Variants in CABIN1 observed in about 807,000 individuals in gnomAD.
The protein encoded by CABIN1 is calcineurin-binding protein cabin-1.
A neutral mutation model predicts 227.7 loss-of-function variants in CABIN1; 133 were observed. The observed-to-expected ratio is 0.58, with a 90% CI of 0.51 to 0.67. The LOEUF (loss-of-function observed/expected upper bound fraction) is 0.67, where lower values mean the gene tolerates loss of function less well. CABIN1 is among the 30% of genes least tolerant of loss of function. The pLI, the probability that CABIN1 is intolerant of heterozygous loss-of-function variation, is 0.00. For missense variants in CABIN1, 2,408 were observed against 2,852.5 expected (o/e 0.84, Z 3.55); for synonymous variants, 1,086 against 1,155.1 (o/e 0.94, Z 1.21).
In CABIN1 at chr22:24,064,118, G is replaced by A. The variant is rs2039407154; in HGVS notation, c.1968G>A (p.Gly656=). The change falls in exon 15 of 37, where the codon GGG becomes GGA. Residue 656 remains glycine (G), a synonymous_variant. Coordinates refer to ENST00000263119, the MANE Select transcript of CABIN1 (RefSeq NM_012295.4). ...QSSTAIQVEA[G]AERRDIVIRL... is the part of the protein sequence containing the mutation. Reference sequence around the variant, plus strand: ...CCACCGCCATCCAGGTGGAGGCAGGGGCTGAACGAAGAGACATTGTCATCC... The same window carrying A: ...CCACCGCCATCCAGGTGGAGGCAGGAGCTGAACGAAGAGACATTGTCATCC... The A allele has an allele frequency of 6.2e-7, 1 of 1,614,162 alleles. No homozygotes were observed. The highest frequency in any genetic ancestry group is 8.5e-7 in the Non-Finnish European group (1 of 1,180,042).
intron 29 of CABIN1, among the ~76,000 whole-genome samples, chr22:24,138,755 C>G (rs916125864): frequency 4.6e-5 from 7 of 152,162 alleles, no homozygotes; most frequent in African/African-American, 1.7e-4. Flanking sequence ...CCTCTTTGGC[C>G]TTTTATGGAG....
rs529990301 is a variant in CABIN1 at position 24,166,678 on chromosome 22, G to A, written c.5047G>A (p.Gly1683Arg). The change falls in exon 32 of 37, where the codon GGA (glycine) becomes AGA (arginine). Residue 1683 changes from glycine (G) to arginine (R), a missense_variant. By Grantham distance (125) the Gly-to-Arg change is moderately radical. This residue lies in a region of CABIN1 where 714 missense variants were observed against 773.8 expected (regional missense o/e 0.92). Coordinates refer to ENST00000263119, the MANE Select transcript of CABIN1 (RefSeq NM_012295.4). Reference protein sequence around the residue: ...RPGPKVCGLPGARMTTDVSHK... With the variant: ...RPGPKVCGLPRARMTTDVSHK... ...AGGGCCCAAGGTCTGTGGCCTCCCCGGAGCCAGGATGACCACCGATGTCTC... is the reference window on the plus strand; with the variant it reads ...AGGGCCCAAGGTCTGTGGCCTCCCCAGAGCCAGGATGACCACCGATGTCTC... The A allele has an allele frequency of 2.7e-5, 44 of 1,612,552 alleles. No homozygotes were observed. The East Asian group carries it at 5.3e-4, about 20-fold the overall frequency.
intron 31 of CABIN1, 23 bp downstream of exon 31, chr22:24,165,649 T>C: frequency 6.3e-7 from 1 of 1,594,456 alleles, no homozygotes; most frequent in Non-Finnish European, 8.6e-7. Context: ...TGTCCTCCTC[T>C]CCTCCACGGC....
At chr22:24,126,893 G>C (rs950466392) in intron 28 of CABIN1, among the ~76,000 whole-genome samples, 1 of 151,550 alleles carries the variant, frequency 6.6e-6, no homozygotes, top group Non-Finnish European at 1.5e-5. Context: ...CAGCTACTCA[G>C]TAGGCTAAGG....
intron 1 of CABIN1, among the ~76,000 whole-genome samples, chr22:24,025,027 A>G (rs1373230970): frequency 6.6e-6 from 1 of 152,156 alleles, no homozygotes; most frequent in East Asian, 1.9e-4. Context: ...TATCAAATTC[A>G]GTTTCTCAGG....
intron 19 of CABIN1, among the ~76,000 whole-genome samples, chr22:24,081,409 A>G (rs1463979190): frequency 6.6e-6 from 1 of 152,210 alleles, no homozygotes; most frequent in Non-Finnish European, 1.5e-5. Context: ...CACTTAGAGC[A>G]TAAGGCTGTT....
chr22:24,059,989 A>G lies in CABIN1; in HGVS notation c.1465A>G (p.Met489Val). The change falls in exon 12 of 37, where the codon ATG (methionine) becomes GTG (valine). Residue 489 changes from methionine to valine, a missense_variant. By Grantham distance (21) the Met-to-Val change is conservative. Transcript: ENST00000263119. ...LTNGGILELM[M>V]RYLKAMGHKF... The stretch of plus-strand genomic sequence containing the variant: ...CAACGGGGGCATCCTGGAGCTGATG[A>G]TGCGCTACCTGAAAGCCATGGGCCA... 6.2e-7 allele frequency: 1 copy of G among 1,614,218 alleles called. No homozygotes were observed. The highest frequency in any genetic ancestry group is 1.3e-5 in the African/African-American group (1 of 75,048).
At chr22:24,154,379 CTG>C (rs1009947265) in intron 29 of CABIN1, among the ~76,000 whole-genome samples, 7 of 152,168 alleles carry the variant, frequency 4.6e-5, no homozygotes, top group African/African-American at 1.2e-4. Flanking sequence ...GGCCTTATTG[CTG>C]TGTGACTGCA....
Position 24,084,653 on chromosome 22 carries a change from C to G in CABIN1, c.2985C>G (p.Ser995Arg). ...CCAAGACCCTTCCTGAATTTGACAG[C>G]TATAAGACCAGCACCGTGTCTGCTG... ...FKPKTLPEFD[S>R]YKTSTVSADL... is the part of the protein sequence containing the mutation. Residue 995 changes from serine to arginine, a missense_variant, in exon 21 of 37, where the codon AGC becomes AGG. This residue lies in a region of CABIN1 where 649 missense variants were observed against 910.3 expected (regional missense o/e 0.71). Transcript: ENST00000263119. 1 of 1,614,162 alleles carries G rather than the reference C, an allele frequency of 6.2e-7. No individual in the cohort carries two copies. Among genetic ancestry groups the G allele is most frequent in the Non-Finnish European group, 8.5e-7 (1 of 1,180,016 alleles).
In CABIN1 at chr22:24,056,366, G is replaced by A; in HGVS notation, c.1262+6G>A. The A allele has an allele frequency of 6.2e-7, 1 of 1,613,774 alleles. No homozygotes were observed. The highest frequency in any genetic ancestry group is 8.5e-7 in the Non-Finnish European group (1 of 1,179,706). ...ATGAAGTTCTTGCCGTCCAGGTACTGTGTATTTTTTCTGATTGTCAGAAAC... is the reference window on the plus strand; with the variant it reads ...ATGAAGTTCTTGCCGTCCAGGTACTATGTATTTTTTCTGATTGTCAGAAAC... On this transcript the variant is annotated splice_donor_region_variant and intron_variant, in intron 10 of 36. Coordinates refer to ENST00000263119, the MANE Select transcript of CABIN1 (RefSeq NM_012295.4).
intron 16 of CABIN1, 23 bp from the exon 17 acceptor site, chr22:24,070,777 C>T: frequency 6.2e-7 from 1 of 1,614,060 alleles, no homozygotes; most frequent in Non-Finnish European, 8.5e-7. Context: ...CCGTGCACTT[C>T]ACCTGGCTTC....
chr22:24,111,087 T>C (rs1421556405), intron 26 of CABIN1, among the ~76,000 whole-genome samples: 1 of 152,222 alleles, frequency 6.6e-6, no homozygotes, highest in East Asian at 1.9e-4. Context: ...GTCCACTCTT[T>C]TTCTCTGGGT....
intron 28 of CABIN1, among the ~76,000 whole-genome samples, chr22:24,127,061 C>T (rs1281410996): frequency 1.3e-5 from 2 of 151,346 alleles, no homozygotes; most frequent in Non-Finnish European, 2.9e-5. Context: ...TGGAAGAAGA[C>T]AGGCTCCATG....
chr22:24,056,302 T>C lies in CABIN1; in HGVS notation c.1204T>C (p.Cys402Arg), dbSNP rs746352739. ...RRSARVRNTK[C>R]KKEEKVDFQE... ...GTCTGCCCGTGTCCGAAACACCAAG[T>C]GCAAAAAAGAAGAGAAAGTAGACTT... Residue 402 changes from cysteine to arginine, a missense_variant, in exon 10 of 37, where the codon TGC (cysteine) becomes CGC (arginine). Physicochemically the swap from Cys to Arg is radical, Grantham distance 180. This residue lies in a region of CABIN1 where 1,045 missense variants were observed against 1,168.4 expected (regional missense o/e 0.89). Coordinates refer to ENST00000263119, the MANE Select transcript of CABIN1 (RefSeq NM_012295.4). 1 of 1,613,828 alleles carries C rather than the reference T, an allele frequency of 6.2e-7. No individual in the cohort carries two copies.
chr22:24,109,414 G>T (rs141610973), intron 26 of CABIN1, among the ~76,000 whole-genome samples: 1 of 150,550 alleles, frequency 6.6e-6, no homozygotes. Context: ...GGGCATCTCC[G>T]TATGTTGCCC....
Position 24,083,235 on chromosome 22 carries a change from TAC to T in CABIN1, c.2757_2758del (p.Leu920ProfsTer10). 6.2e-7 allele frequency: 1 copy of T among 1,612,252 alleles called. No homozygotes were observed. The highest frequency in any genetic ancestry group is 1.3e-5 in the African/African-American group (1 of 74,936). ...CTCTTCTGCCCACCACAGGTGCGAG[TAC>T]TCCAGAAGGAACTGGCTGCATCCAC... On this transcript the variant is annotated frameshift_variant, in exon 20 of 37. Coordinates refer to ENST00000263119, the MANE Select transcript of CABIN1 (RefSeq NM_012295.4). LOFTEE classifies it high-confidence loss of function.
chr22:24,145,808 ACT>A (rs1941622434), intron 29 of CABIN1, among the ~76,000 whole-genome samples: 1 of 151,754 alleles, frequency 6.6e-6, no homozygotes, highest in South Asian at 2.1e-4. Context: ...TTATTATCCC[ACT>A]CTTTCCCCAA....
At chr22:24,102,355 A>G (rs2042252647) in intron 26 of CABIN1, 1 of 152,236 alleles carries the variant, frequency 6.6e-6, no homozygotes, top group Non-Finnish European at 1.5e-5. Flanking sequence ...GTCACTTCAG[A>G]ATGCCAGAGC....
Position 24,171,901 on chromosome 22 carries a change from A to G in CABIN1, c.5946A>G (p.Ser1982=), listed in dbSNP as rs1268184536. ...CAACTATTATCACCTGCCCTCCGTC[A>G]GCATCAGCTTCCACCCTGGACCAGT... ...AATTIITCPP[S]ASASTLDQSK... The change falls in exon 34 of 37, where the codon TCA becomes TCG. Residue 1982 remains serine, a synonymous_variant. Transcript: ENST00000263119. 6.2e-7 allele frequency: 1 copy of G among 1,614,050 alleles called. No individual in the cohort carries two copies. The highest frequency in any genetic ancestry group is 8.5e-7 in the Non-Finnish European group (1 of 1,180,046).
Sources: allele counts gnomAD v4.1 joint callset (sites outside exome capture counted in the v4.1 genomes callset), GRCh38; gene constraint gnomAD v4.1.1; regional missense constraint gnomAD v4.1.1; transcripts MANE v1.5; gene names NCBI Gene and HGNC (gene_info 2026-07-23, HGNC 2026-07-21).